NSMCE2: variants seen among roughly 807,000 people sequenced by gnomAD.
NSMCE2 encodes the protein E3 SUMO-protein ligase NSE2.
NSMCE2 carries 24 observed loss-of-function variants against 23.8 expected under a neutral mutation model. The observed-to-expected ratio is 1.01, with a 90% CI of 0.73 to 1.42. NSMCE2 has a LOEUF of 1.42. Among genes scored for constraint, NSMCE2 ranks in the 40% most tolerant of loss-of-function variants. The pLI, the probability that NSMCE2 is intolerant of heterozygous loss-of-function variation, is 0.00. For synonymous variants in NSMCE2, 92 were observed against 94.1 expected, an observed-to-expected ratio of 0.98 and a Z score of 0.13; for missense variants, 284 against 296.5, an observed-to-expected ratio of 0.96 and a Z score of 0.31.
At chr8:125,342,328 A>G (rs1830282884) in intron 5 of NSMCE2, among the ~76,000 whole-genome samples, 1 of 152,252 alleles carries the variant, frequency 6.6e-6, no homozygotes, top group Admixed American at 6.5e-5. Flanking sequence ...TGTGAATGTC[A>G]TGAAGGAGGA....
chr8:125,298,687 GTTTTTTTTTGT>G, intron 5 of NSMCE2, among the ~76,000 whole-genome samples: 1 of 85,974 alleles, frequency 1.2e-5, no homozygotes, highest in East Asian at 2.9e-4. Context: ...TCATCTGTGG[GTTTTTTTTTGT>G]TTTTTTTTTT....
At chr8:125,161,169 CT>C (rs1377295434) in intron 4 of NSMCE2, among the ~76,000 whole-genome samples, 2 of 152,300 alleles carry the variant, frequency 1.3e-5, no homozygotes, top group Admixed American at 6.5e-5. Flanking sequence ...GAGAGGATTT[CT>C]TTCCATTGTT....
chr8:125,123,445 C>T (rs909923459), intron 3 of NSMCE2, among the ~76,000 whole-genome samples: 2 of 152,232 alleles, frequency 1.3e-5, no homozygotes, highest in Admixed American at 6.5e-5. Flanking sequence ...ATTTTTCTCT[C>T]TTAACAATCC....
intron 1 of NSMCE2, among the ~76,000 whole-genome samples, chr8:125,100,245 A>G (rs978573586): frequency 6.6e-6 from 1 of 152,154 alleles, no homozygotes; most frequent in Non-Finnish European, 1.5e-5. Flanking sequence ...GAGGAGTCGT[A>G]AAAGAGCATA....
intron 3 of NSMCE2, among the ~76,000 whole-genome samples, chr8:125,111,331 T>TCTTACCCCAAATA (rs1818737200): frequency 6.6e-6 from 1 of 152,036 alleles, no homozygotes; most frequent in African/African-American, 2.4e-5. Flanking sequence ...TAAATCCGGG[T>TCTTACCCCAAATA]GCTTTGGGGG....
intron 4 of NSMCE2, among the ~76,000 whole-genome samples, chr8:125,166,291 A>G (rs1821873238): frequency 6.6e-6 from 1 of 152,140 alleles, no homozygotes; most frequent in Admixed American, 6.6e-5. Context: ...ATTTTGAGAC[A>G]GAGTCTCGCT....
At chr8:125,271,800 T>C (rs1827205409) in intron 5 of NSMCE2, among the ~76,000 whole-genome samples, 1 of 152,204 alleles carries the variant, frequency 6.6e-6, no homozygotes, top group African/African-American at 2.4e-5. Flanking sequence ...ATGTGTATGT[T>C]TTATGTTTCA....
chr8:125,222,284 C>T (rs553650484), intron 5 of NSMCE2, among the ~76,000 whole-genome samples: 12 of 152,070 alleles, frequency 7.9e-5, no homozygotes, highest in African/African-American at 2.2e-4. Flanking sequence ...TGGAATACAG[C>T]GTGTTTTGAT....
intron 5 of NSMCE2, among the ~76,000 whole-genome samples, chr8:125,235,348 T>C (rs1037779451): frequency 6.6e-6 from 1 of 152,192 alleles, no homozygotes; most frequent in Non-Finnish European, 1.5e-5. Context: ...CCCTTGAGCA[T>C]ATATTTCTTA....
chr8:125,135,020 A>G (rs1228408490), intron 3 of NSMCE2, among the ~76,000 whole-genome samples: 1 of 151,958 alleles, frequency 6.6e-6, no homozygotes, highest in Non-Finnish European at 1.5e-5. Context: ...CAACCCTCCC[A>G]CCTCAGCCTC....
intron 4 of NSMCE2, among the ~76,000 whole-genome samples, chr8:125,173,798 C>T (rs890145811): frequency 1.2e-4 from 19 of 152,090 alleles, no homozygotes; most frequent in African/African-American, 4.3e-4. Context: ...CTTGGAGGCA[C>T]AAGCAAAGTA....
chr8:125,356,621 C>G (rs754095510), intron 5 of NSMCE2, among the ~76,000 whole-genome samples: 1 of 152,170 alleles, frequency 6.6e-6, no homozygotes, highest in Non-Finnish European at 1.5e-5. Context: ...GCCACCGCAA[C>G]CGGCCTTATT....
intron 4 of NSMCE2, among the ~76,000 whole-genome samples, chr8:125,168,758 G>A (rs1000707284): frequency 1.4e-4 from 21 of 152,224 alleles, no homozygotes; most frequent in South Asian, 4.1e-4. Context: ...AGGGCACACA[G>A]GCTTTCAGAC....
intron 5 of NSMCE2, among the ~76,000 whole-genome samples, chr8:125,342,190 A>G (rs548763719): frequency 1.3e-4 from 20 of 151,962 alleles, no homozygotes; most frequent in Non-Finnish European, 2.1e-4. Flanking sequence ...ACTTGTGCTC[A>G]CTCGTAATTG....
chr8:125,332,054 A>C (rs1265561243), intron 5 of NSMCE2, among the ~76,000 whole-genome samples: 1 of 152,212 alleles, frequency 6.6e-6, no homozygotes. Context: ...TGCTGATATG[A>C]AGCCCACAGC....
chr8:125,346,886 C>T lies in NSMCE2; in HGVS notation c.419-10333C>T, dbSNP rs570513471. Among the ~76,000 whole-genome samples, 63 of 152,276 alleles carry T rather than the reference C, an allele frequency of 4.1e-4. No individual in the cohort carries two copies. In the South Asian group the frequency reaches 0.013, roughly 32 times the overall value. On this transcript the variant is annotated intron_variant, in intron 5 of 7. Coordinates refer to ENST00000287437, the MANE Select transcript of NSMCE2 (RefSeq NM_173685.4). Reference sequence around the variant, plus strand: ...AGGACAAAGGACATGTCTGCAACAACAGTAGATAAATTATAAGCACATGAT... The same window carrying T: ...AGGACAAAGGACATGTCTGCAACAATAGTAGATAAATTATAAGCACATGAT...
At chr8:125,222,122 T>G (rs1363096578) in intron 5 of NSMCE2, among the ~76,000 whole-genome samples, 1 of 152,144 alleles carries the variant, frequency 6.6e-6, no homozygotes, top group African/African-American at 2.4e-5. Flanking sequence ...CTTCAAGAAT[T>G]ACATTCTTAA....
Position 125,356,326 on chromosome 8 carries a change from G to GTTT in NSMCE2, c.419-874_419-872dup, listed in dbSNP as rs747884264. 2.6e-3 allele frequency among the ~76,000 whole-genome samples: 279 copies of GTTT among 105,448 alleles called. 1 individual carries two copies. Among genetic ancestry groups the GTTT allele is most frequent in the Middle Eastern group, 7.4e-3 (1 of 136 alleles). 69.2% of individuals were successfully genotyped at this position (105,448 alleles called of 152,430 possible). ...TATTACTGTTACTTTTAATTTTTTG[G>GTTT]TTTTTTTTTTTTTTTTTTTTTGAGA... On this transcript the variant is annotated intron_variant, in intron 5 of 7. Coordinates refer to ENST00000287437, the MANE Select transcript of NSMCE2 (RefSeq NM_173685.4).
chr8:125,257,223 G>A (rs1826471660), intron 5 of NSMCE2, among the ~76,000 whole-genome samples: 1 of 151,656 alleles, frequency 6.6e-6, no homozygotes, highest in African/African-American at 2.4e-5. Context: ...GGCAGAGGTT[G>A]CAGTGAGCTG....
Sources: allele counts gnomAD v4.1 joint callset (sites outside exome capture counted in the v4.1 genomes callset), GRCh38; gene constraint gnomAD v4.1.1; transcripts MANE v1.5; gene names NCBI Gene and HGNC (gene_info 2026-07-23, HGNC 2026-07-21).